Variants in COL24A1 observed in about 807,000 individuals in gnomAD.
The protein encoded by COL24A1 is collagen type XXIV alpha 1 chain.
COL24A1 carries 224 observed loss-of-function variants against 253.9 expected under a neutral mutation model. That is an observed-to-expected ratio of 0.88 (90% CI 0.79 to 0.99). The LOEUF is 0.99. Ranked by LOEUF, COL24A1 falls within the 50% of genes least tolerant of loss-of-function variation. The pLI is 0.00. For synonymous variants in COL24A1, 685 were observed against 673.7 expected (o/e 1.02, Z -0.26); for missense variants, 2,131 against 2,068.5 (o/e 1.03, Z -0.59).
intron 43 of COL24A1, among the ~76,000 whole-genome samples, chr1:85,827,407 C>A (rs1674520977): frequency 6.6e-6 from 1 of 151,000 alleles, no homozygotes; most frequent in African/African-American, 2.4e-5. Flanking sequence ...TGTGTCTCTG[C>A]CCGGCTTTGG....
intron 1 of COL24A1, among the ~76,000 whole-genome samples, chr1:86,148,882 G>A (rs1265439851): frequency 1.3e-5 from 2 of 151,984 alleles, no homozygotes; most frequent in African/African-American, 4.8e-5. Flanking sequence ...GGATGGCTGG[G>A]TCAAATGGTA....
intron 4 of COL24A1, among the ~76,000 whole-genome samples, chr1:86,114,842 A>AT (rs1705972095): frequency 6.6e-6 from 1 of 152,164 alleles, no homozygotes; most frequent in Non-Finnish European, 1.5e-5. Flanking sequence ...CATAGCAATA[A>AT]GTCTTTTGTT....
chr1:86,111,858 C>CACGAACG (rs1705649884), intron 5 of COL24A1, among the ~76,000 whole-genome samples: 1 of 152,082 alleles, frequency 6.6e-6, no homozygotes, highest in African/African-American at 2.4e-5. Flanking sequence ...TAACACTAAC[C>CACGAACG]ATGAACGTCT....
At chr1:86,085,667 T>C (rs1317801548) in intron 7 of COL24A1, among the ~76,000 whole-genome samples, 2 of 152,222 alleles carry the variant, frequency 1.3e-5, no homozygotes, top group African/African-American at 2.4e-5. Context: ...CAACCAAGCA[T>C]GCACTCTGGA....
chr1:85,891,665 G>T (rs1683145326), intron 31 of COL24A1, among the ~76,000 whole-genome samples: 2 of 152,280 alleles, frequency 1.3e-5, no homozygotes, highest in East Asian at 3.9e-4. Flanking sequence ...AATTAAGAGA[G>T]AGGATCATTA....
At chr1:85,988,805 T>C (rs1693967859) in intron 19 of COL24A1, among the ~76,000 whole-genome samples, 1 of 152,126 alleles carries the variant, frequency 6.6e-6, no homozygotes. Context: ...GTATCCAGTC[T>C]GGATTAGGAC....
intron 35 of COL24A1, among the ~76,000 whole-genome samples, chr1:85,869,643 A>T (rs985328421): frequency 6.6e-6 from 1 of 152,168 alleles, no homozygotes; most frequent in Non-Finnish European, 1.5e-5. Flanking sequence ...GGACAAACAA[A>T]TGCTGAGAGA....
rs1210442427 is a variant in COL24A1 at position 86,062,271 on chromosome 1, T to C, written c.1752+1444A>G. On this transcript the variant is annotated intron_variant, in intron 8 of 59. Coordinates refer to ENST00000370571, the MANE Select transcript of COL24A1 (RefSeq NM_152890.7). Reference sequence around the variant, plus strand: ...ATGTTTGCTGAACAATTTGAAGATATTTACAAATTTTCAAGACAAATGTCT... The same window carrying C: ...ATGTTTGCTGAACAATTTGAAGATACTTACAAATTTTCAAGACAAATGTCT... Among the ~76,000 whole-genome samples the C allele has an allele frequency of 2.6e-5, 4 of 152,214 alleles. No individual in the cohort carries two copies. The South Asian group carries it at 6.2e-4, about 24-fold the overall frequency.
At chr1:86,066,628 T>G (rs1471246527) in intron 7 of COL24A1, among the ~76,000 whole-genome samples, 4 of 152,068 alleles carry the variant, frequency 2.6e-5, no homozygotes, top group African/African-American at 9.7e-5. Context: ...ATAATAACAA[T>G]GAACAGATCA....
chr1:86,056,285 G>A (rs1700657549), intron 10 of COL24A1, among the ~76,000 whole-genome samples: 1 of 152,122 alleles, frequency 6.6e-6, no homozygotes, highest in Non-Finnish European at 1.5e-5. Flanking sequence ...AAGACAGCAT[G>A]AGCTCATGAA....
At chr1:86,046,944 A>G in intron 11 of COL24A1, 75 bp from the exon 12 acceptor site, 2 of 842,358 alleles carry the variant, frequency 2.4e-6, no homozygotes, top group South Asian at 1.4e-5. Context: ...TTCTCCCAAT[A>G]TAAAGCAATA....
At chr1:86,081,507 G>C (rs1223161796) in intron 7 of COL24A1, among the ~76,000 whole-genome samples, 1 of 151,980 alleles carries the variant, frequency 6.6e-6, no homozygotes, top group Non-Finnish European at 1.5e-5. Flanking sequence ...TCCTTTATTT[G>C]CTGTTCTTTC....
intron 24 of COL24A1, among the ~76,000 whole-genome samples, chr1:85,913,337 G>A (rs1056048099): frequency 1.3e-5 from 2 of 152,108 alleles, no homozygotes; most frequent in African/African-American, 4.8e-5. Context: ...TTTCCAGAAG[G>A]CTATATATGC....
intron 10 of COL24A1, among the ~76,000 whole-genome samples, chr1:86,054,612 A>T (rs553861281): frequency 2.0e-5 from 3 of 152,304 alleles, no homozygotes; most frequent in African/African-American, 7.2e-5. Context: ...CACCAGTCAG[A>T]AGAGCTATTA....
intron 24 of COL24A1, among the ~76,000 whole-genome samples, chr1:85,925,355 G>A (rs1161634083): frequency 9.9e-5 from 15 of 152,156 alleles, no homozygotes; most frequent in Admixed American, 5.2e-4. Flanking sequence ...AAAAGAGCCC[G>A]CATTGCCAAG....
intron 41 of COL24A1, 126 bp from the exon 42 acceptor site, chr1:85,841,404 C>T: frequency 1.6e-6 from 1 of 621,918 alleles, no homozygotes. Context: ...AAGTGGAAAA[C>T]TTTGATGTAA....
chr1:86,115,033 T>A (rs968675293), intron 4 of COL24A1, among the ~76,000 whole-genome samples: 2 of 152,210 alleles, frequency 1.3e-5, no homozygotes, highest in African/African-American at 4.8e-5. Flanking sequence ...GATATTGCGA[T>A]CACTTTATAA....
At chr1:85,980,497 C>A (rs974721784) in intron 20 of COL24A1, among the ~76,000 whole-genome samples, 4 of 152,158 alleles carry the variant, frequency 2.6e-5, no homozygotes, top group Non-Finnish European at 4.4e-5. Flanking sequence ...GATACAAAAT[C>A]AATGGAGACA....
chr1:85,885,510 C>T (rs565187500), intron 32 of COL24A1, among the ~76,000 whole-genome samples: 13 of 151,624 alleles, frequency 8.6e-5, no homozygotes, highest in Admixed American at 2.0e-4. Flanking sequence ...TGTGAGCCAC[C>T]GTGCCCAACT....
Sources: allele counts gnomAD v4.1 joint callset (sites outside exome capture counted in the v4.1 genomes callset), GRCh38; gene constraint gnomAD v4.1.1; transcripts MANE v1.5; gene names NCBI Gene and HGNC (gene_info 2026-07-23, HGNC 2026-07-21).